UBE2K: variants seen among roughly 807,000 people sequenced by gnomAD.
The protein encoded by UBE2K is ubiquitin conjugating enzyme E2 K, also known as ubiquitin-conjugating enzyme E2 K.
UBE2K carries 6 observed loss-of-function variants against 30.0 expected under a neutral mutation model. The observed-to-expected ratio is 0.20, with a 90% CI of 0.11 to 0.39. The LOEUF (loss-of-function observed/expected upper bound fraction) is 0.39. Among genes scored for constraint, UBE2K ranks in the 10% least tolerant of loss-of-function variants. UBE2K has a pLI of 1.00. For missense variants in UBE2K, 61 were observed against 241.6 expected (o/e 0.25, Z 4.96); for synonymous variants, 86 against 83.7 (o/e 1.03, Z -0.15).
At chr4:39,753,033 A>G (rs551482457) in intron 3 of UBE2K, among the ~76,000 whole-genome samples, 14 of 152,314 alleles carry the variant, frequency 9.2e-5, no homozygotes, top group Admixed American at 9.2e-4. Context: ...AAAAACAGAA[A>G]GAAAGAAAAA....
intron 1 of UBE2K, among the ~76,000 whole-genome samples, chr4:39,710,997 C>T (rs887915796): frequency 1.3e-5 from 2 of 151,506 alleles, no homozygotes; most frequent in African/African-American, 4.8e-5. Context: ...CTAGGAGTAT[C>T]TGCTATGTGA....
intron 1 of UBE2K, among the ~76,000 whole-genome samples, chr4:39,736,374 G>A (rs774306870): frequency 3.9e-5 from 6 of 152,104 alleles, no homozygotes; most frequent in Non-Finnish European, 7.4e-5. Flanking sequence ...AAGCAGGAGA[G>A]TCACTTGAAC....
chr4:39,698,730 C>G (rs182635573), intron 1 of UBE2K, among the ~76,000 whole-genome samples: 14 of 152,096 alleles, frequency 9.2e-5, no homozygotes, highest in African/African-American at 3.4e-4. Context: ...GGGAGCAGGC[C>G]GAGCCTGAGA....
intron 4 of UBE2K, among the ~76,000 whole-genome samples, chr4:39,771,918 A>G (rs1374528750): frequency 6.6e-6 from 1 of 152,042 alleles, no homozygotes; most frequent in African/African-American, 2.4e-5. Flanking sequence ...TGGACTCACT[A>G]TAACCTTCGC....
intron 1 of UBE2K, among the ~76,000 whole-genome samples, chr4:39,703,840 A>C (rs2109302806): frequency 1.1e-5 from 1 of 88,128 alleles, no homozygotes; most frequent in African/African-American, 5.6e-5. Flanking sequence ...GCGAGACTCC[A>C]TCTCAAAAAA....
At chr4:39,777,229 A>G (rs2109417908) in intron 5 of UBE2K, among the ~76,000 whole-genome samples, 1 of 152,360 alleles carries the variant, frequency 6.6e-6, no homozygotes, top group South Asian at 2.1e-4. Context: ...TGCAGCTGTA[A>G]GAAAACAGAA....
intron 1 of UBE2K, among the ~76,000 whole-genome samples, chr4:39,714,908 A>G (rs922652423): frequency 1.1e-4 from 16 of 151,372 alleles, no homozygotes; most frequent in South Asian, 2.1e-4. Context: ...ATAGAGTGCA[A>G]TGGTGCAATG....
intron 1 of UBE2K, among the ~76,000 whole-genome samples, chr4:39,720,861 A>G (rs1004375867): frequency 6.6e-6 from 1 of 152,088 alleles, no homozygotes; most frequent in African/African-American, 2.4e-5. Flanking sequence ...CTCCTGCCTC[A>G]GCCTTCCGAG....
chr4:39,752,311 A>ATTTTTTTTTTTTTTTT (rs751312791), intron 3 of UBE2K, among the ~76,000 whole-genome samples: 3 of 118,552 alleles, frequency 2.5e-5, no homozygotes, highest in African/African-American at 9.5e-5. Context: ...CGCCTGGCTA[A>ATTTTTTTTTTTTTTTT]TTTTTTTTTT....
intron 4 of UBE2K, chr4:39,770,794 G>A: frequency 1.9e-6 from 3 of 1,568,346 alleles, no homozygotes; most frequent in Non-Finnish European, 2.6e-6. Context: ...GCGATGTCCA[G>A]GGCCGACTCC....
At position 39,781,865 on chromosome 4, in the gene UBE2K, A is replaced by G. The variant is rs1437331974; in HGVS notation, c.*3431A>G. On this transcript the variant is annotated 3_prime_UTR_variant, in exon 7 of 7. Coordinates refer to ENST00000261427, the MANE Select transcript of UBE2K (RefSeq NM_005339.5). ...AAATTACGTTTCCATTCTTTTTAGT[A>G]TCAGTTTAAAGTAAATGCTTACCAT... 2.5e-6 allele frequency: 1 copy of G among 398,166 alleles called. No individual in the cohort carries two copies. The highest frequency in any genetic ancestry group is 4.4e-6 in the Non-Finnish European group (1 of 225,776). 24.7% of individuals were successfully genotyped at this position (398,166 alleles called of 1,614,324 possible).
At chr4:39,777,858 A>G (rs773184074) in intron 6 of UBE2K, 48 bp downstream of exon 6, 1 of 1,359,256 alleles carries the variant, frequency 7.4e-7, no homozygotes, top group Non-Finnish European at 9.5e-7. Flanking sequence ...TTGATTTTAA[A>G]TTATTGCAAA....
intron 1 of UBE2K, among the ~76,000 whole-genome samples, chr4:39,709,127 T>C (rs1289469699): frequency 1.3e-5 from 2 of 151,898 alleles, no homozygotes; most frequent in African/African-American, 4.8e-5. Flanking sequence ...TGTAAAAATG[T>C]GGGAAGATTA....
intron 3 of UBE2K, among the ~76,000 whole-genome samples, chr4:39,746,958 A>G (rs1384531): frequency 0.1 from 15,803 of 152,054 alleles, 1,071 homozygotes; most frequent in East Asian, 0.22. Context: ...GGTCTTTTAC[A>G]CCTATATATT....
At position 39,728,708 on chromosome 4, in the gene UBE2K, G is replaced by T. The variant is rs1257234517; in HGVS notation, c.64-8712G>T. Among the ~76,000 whole-genome samples the T allele has an allele frequency of 2.0e-5, 3 of 151,494 alleles. No homozygotes were observed. In the East Asian group the frequency reaches 5.8e-4, roughly 29 times the overall value. ...GTGGGGAGTGCAGTTGTGCGATCTC[G>T]GCTCACTGCAAGCTCCGCCTCCTGG... On this transcript the variant is annotated intron_variant, in intron 1 of 6. Coordinates refer to ENST00000261427, the MANE Select transcript of UBE2K (RefSeq NM_005339.5).
intron 1 of UBE2K, among the ~76,000 whole-genome samples, chr4:39,709,843 G>A (rs912229986): frequency 6.6e-5 from 10 of 151,928 alleles, no homozygotes; most frequent in African/African-American, 2.4e-4. Context: ...AGAGATAATG[G>A]GATTATTTTG....
intron 4 of UBE2K, among the ~76,000 whole-genome samples, chr4:39,771,949 C>T (rs1181063955): frequency 6.6e-6 from 1 of 152,162 alleles, no homozygotes; most frequent in East Asian, 1.9e-4. Context: ...CGAGCGATTC[C>T]TGCCTCAGCC....
chr4:39,760,947 C>T (rs1012135655), intron 4 of UBE2K: 1 of 152,138 alleles, frequency 6.6e-6, no homozygotes, highest in Non-Finnish European at 1.5e-5. Flanking sequence ...AAAATTCATC[C>T]AGCTGCATGG....
chr4:39,726,885 A>G (rs530700770), intron 1 of UBE2K, among the ~76,000 whole-genome samples: 2 of 152,234 alleles, frequency 1.3e-5, no homozygotes, highest in South Asian at 2.1e-4. Context: ...GCGTGAGCCA[A>G]TGTACCTGTC....
Sources: allele counts gnomAD v4.1 joint callset (sites outside exome capture counted in the v4.1 genomes callset), GRCh38; gene constraint gnomAD v4.1.1; transcripts MANE v1.5; gene names NCBI Gene and HGNC (gene_info 2026-07-23, HGNC 2026-07-21).